Variants in ADGRV1 observed in about 807,000 individuals in gnomAD.
ADGRV1 encodes the protein G-protein coupled receptor 98.
Under a neutral mutation model 596.2 loss-of-function variants are expected in ADGRV1, and 359 were observed. That is an observed-to-expected ratio of 0.60 (90% CI 0.55 to 0.66). The LOEUF (loss-of-function observed/expected upper bound fraction) is 0.66. Ranked by LOEUF, ADGRV1 falls within the 30% of genes least tolerant of loss-of-function variation. ADGRV1 has a pLI of 0.00. For synonymous variants in ADGRV1, 2,681 were observed against 2,679.2 expected (o/e 1.00, Z -0.02); for missense variants, 7,274 against 7,575.6 (o/e 0.96, Z 1.48).
intron 1 of ADGRV1, among the ~76,000 whole-genome samples, chr5:90,571,650 G>A (rs1471502786): frequency 6.6e-6 from 1 of 152,096 alleles, no homozygotes; most frequent in African/African-American, 2.4e-5. Flanking sequence ...AGATACTGTG[G>A]TGAGTGAAGT....
chr5:90,788,157 C>T lies in ADGRV1; in HGVS notation c.13740C>T (p.Phe4580=). ...RDIADPVSGL[F]YFGEGEGGVR... ...TTGCAGACCCAGTGAGCGGGTTGTTCTATTTTGGAGAAGGAGAAGGAGGAG... is the reference window on the plus strand; with the variant it reads ...TTGCAGACCCAGTGAGCGGGTTGTTTTATTTTGGAGAAGGAGAAGGAGGAG... The change falls in exon 68 of 90, where the codon TTC becomes TTT. Residue 4580 remains phenylalanine, a synonymous_variant. Transcript: ENST00000405460. The T allele has an allele frequency of 6.2e-7, 1 of 1,613,768 alleles. No individual in the cohort carries two copies. Among genetic ancestry groups the T allele is most frequent in the Non-Finnish European group, 8.5e-7 (1 of 1,179,736 alleles).
intron 67 of ADGRV1, among the ~76,000 whole-genome samples, chr5:90,786,664 T>C (rs1410813542): frequency 6.6e-6 from 1 of 152,140 alleles, no homozygotes; most frequent in African/African-American, 2.4e-5. Context: ...TATACATTGA[T>C]ATTTGGAAGA....
intron 59 of ADGRV1, 115 bp downstream of exon 59, chr5:90,763,584 G>A: frequency 9.8e-7 from 1 of 1,021,138 alleles, no homozygotes; most frequent in Non-Finnish European, 1.4e-6. Context: ...TGGGTATATT[G>A]CATAATGCTG....
At position 90,848,830 on chromosome 5, in the gene ADGRV1, C is replaced by CT. The variant is rs774306078; in HGVS notation, c.17204+13dup. The CT allele has an allele frequency of 6.4e-6, 10 of 1,567,184 alleles. No individual in the cohort carries two copies. In the Admixed American group the frequency reaches 1.8e-4, roughly 28 times the overall value. On this transcript the variant is annotated intron_variant, in intron 79 of 89. Transcript: ENST00000405460. Reference sequence around the variant, plus strand: ...GGCTCTCCTGGTGAAAAGTAAGTATCTTTTAATATATTAGCAGTACCTTTT... The same window carrying CT: ...GGCTCTCCTGGTGAAAAGTAAGTATCTTTTTAATATATTAGCAGTACCTTTT...
intron 85 of ADGRV1, among the ~76,000 whole-genome samples, chr5:91,066,347 T>C (rs925828787): frequency 6.6e-6 from 1 of 152,190 alleles, no homozygotes; most frequent in Non-Finnish European, 1.5e-5. Flanking sequence ...ACTAACTACC[T>C]GAATATACTG....
chr5:90,569,377 A>ATTTTT (rs1756138965), intron 1 of ADGRV1, among the ~76,000 whole-genome samples: 1 of 21,730 alleles, frequency 4.6e-5, no homozygotes, highest in East Asian at 1.4e-3. Context: ...ATATATATAT[A>ATTTTT]TATATATATA....
chr5:90,713,005 A>G (rs1249398358), intron 42 of ADGRV1, among the ~76,000 whole-genome samples: 4 of 152,074 alleles, frequency 2.6e-5, no homozygotes, highest in Non-Finnish European at 2.9e-5. Context: ...TAAGAAAGAG[A>G]CAAAGGAGAA....
chr5:90,738,897 CTT>C (rs1753597942), intron 50 of ADGRV1, among the ~76,000 whole-genome samples: 1 of 151,874 alleles, frequency 6.6e-6, no homozygotes, highest in South Asian at 2.1e-4. Flanking sequence ...GGTATTTTTT[CTT>C]TCTCTTCTTT....
intron 16 of ADGRV1, among the ~76,000 whole-genome samples, chr5:90,646,569 C>A (rs1454960759): frequency 6.6e-6 from 1 of 152,004 alleles, no homozygotes; most frequent in Admixed American, 6.6e-5. Flanking sequence ...ATTAAAATTT[C>A]TTCGTTTTGC....
At chr5:90,847,680 C>A (rs540072074) in intron 78 of ADGRV1, among the ~76,000 whole-genome samples, 1 of 152,202 alleles carries the variant, frequency 6.6e-6, no homozygotes, top group Non-Finnish European at 1.5e-5. Context: ...GCAGCTAAGG[C>A]CCGGCAAGAA....
Position 90,756,611 on chromosome 5 carries a change from TTA to T in ADGRV1, c.11740_11741del (p.Met3914ValfsTer5). ...GAAAATGACGATCCCAGAGGAATTT[TTA>T]TGTTTCATGTTACTAGAGTGAGATG... On this transcript the variant is annotated frameshift_variant, in exon 56 of 90. Transcript: ENST00000405460. LOFTEE classifies it high-confidence loss of function. 1 of 1,613,696 alleles carries T rather than the reference TTA, an allele frequency of 6.2e-7. No individual in the cohort carries two copies. The highest frequency in any genetic ancestry group is 8.5e-7 in the Non-Finnish European group (1 of 1,179,640).
At chr5:90,975,293 C>T (rs4916702) in intron 84 of ADGRV1, among the ~76,000 whole-genome samples, 75,844 of 151,592 alleles carry the variant, frequency 0.5, 20,571 homozygotes, top group African/African-American at 0.71. Flanking sequence ...GACAGTGTGG[C>T]GATTCCTCAA....
chr5:90,668,900 C>T (rs1028275630), intron 21 of ADGRV1, among the ~76,000 whole-genome samples: 1 of 152,100 alleles, frequency 6.6e-6, no homozygotes, highest in South Asian at 2.1e-4. Context: ...AAATCCTCAT[C>T]TTAGTCCTAA....
chr5:91,090,230 A>G (rs1407626168), intron 86 of ADGRV1, among the ~76,000 whole-genome samples: 1 of 152,122 alleles, frequency 6.6e-6, no homozygotes, highest in Non-Finnish European at 1.5e-5. Context: ...TCAGCAAAAT[A>G]TTATCTGGCA....
intron 83 of ADGRV1, among the ~76,000 whole-genome samples, chr5:90,887,062 TCTATTGATACC>T (rs1770370880): frequency 6.6e-6 from 1 of 152,194 alleles, no homozygotes; most frequent in Non-Finnish European, 1.5e-5. Flanking sequence ...ATGCGTGTCC[TCTATTGATACC>T]CTTTTACAGC....
At position 90,647,524 on chromosome 5, in the gene ADGRV1, G is replaced by A; in HGVS notation, c.3049G>A (p.Gly1017Ser). The A allele has an allele frequency of 1.2e-6, 2 of 1,613,484 alleles. No homozygotes were observed. Among genetic ancestry groups the A allele is most frequent in the Non-Finnish European group, 1.7e-6 (2 of 1,179,512 alleles). The change falls in exon 17 of 90, where the codon GGT (glycine) becomes AGT (serine). Residue 1017 changes from glycine (G) to serine (S), a missense_variant. Around this residue, in one of 5 missense-constraint regions of ADGRV1, gnomAD observed 1,715 missense variants for 1,708.8 expected, o/e 1.00. Coordinates refer to ENST00000405460, the MANE Select transcript of ADGRV1 (RefSeq NM_032119.4). ...AEPRVVRVQE[G>S]ETANFTVLRN... ...ACCTCGTGTAGTGAGGGTTCAGGAA[G>A]GTGAGACTGCCAACTTTACAGTTCT...
intron 28 of ADGRV1, among the ~76,000 whole-genome samples, chr5:90,685,491 A>G (rs933997707): frequency 6.6e-6 from 1 of 152,034 alleles, no homozygotes; most frequent in Non-Finnish European, 1.5e-5. Context: ...AGGCTGAGGC[A>G]GGAGAATTGC....
chr5:90,960,137 C>CAAAAA lies in ADGRV1; in HGVS notation c.17857-5266_17857-5262dup, dbSNP rs35383493. 1.3e-3 allele frequency among the ~76,000 whole-genome samples: 132 copies of CAAAAA among 103,966 alleles called. 1 individual carries two copies. The highest frequency in any genetic ancestry group is 4.6e-3 in the African/African-American group (127 of 27,904). 68.2% of individuals were successfully genotyped at this position (103,966 alleles called of 152,430 possible). On this transcript the variant is annotated intron_variant, in intron 83 of 89. Transcript: ENST00000405460. ...CTGGGTGACAGACCGAGACTCATCT[C>CAAAAA]AAAAAAAAAAAAAAAACAAAAAACA...
intron 70 of ADGRV1, among the ~76,000 whole-genome samples, chr5:90,801,998 GTATTCAATGAGGAGGAGGAAAT>G (rs1201864153): frequency 1.3e-5 from 2 of 152,040 alleles, no homozygotes; most frequent in East Asian, 1.9e-4. Flanking sequence ...TGAATTATTA[GTATTCAATGAGGAGGAGGAAAT>G]TATTCAATGA....
Sources: gnomAD v4.1 joint callset for allele counts (sites outside exome capture counted in the v4.1 genomes callset) on GRCh38, gnomAD v4.1.1 for gene constraint, gnomAD v4.1.1 regional missense constraint, MANE v1.5 for transcripts, NCBI Gene and HGNC (gene_info 2026-07-23, HGNC 2026-07-21) for gene names.